ANTXR2: variants seen among roughly 807,000 people sequenced by gnomAD.
The protein encoded by ANTXR2 is ANTXR cell adhesion molecule 2.
ANTXR2 carries 44 observed loss-of-function variants against 73.7 expected under a neutral mutation model. The ratio of observed to expected loss-of-function variants is 0.60; its 90% CI spans 0.47 to 0.77. The LOEUF (loss-of-function observed/expected upper bound fraction) is 0.77, where lower values mean the gene tolerates loss of function less well. Ranked by LOEUF, ANTXR2 falls within the 30% of genes least tolerant of loss-of-function variation. The pLI is 0.00. For missense variants in ANTXR2, 604 were observed against 592.5 expected (o/e 1.02, Z -0.20); for synonymous variants, 217 against 205.9 (o/e 1.05, Z -0.46).
chr4:80,001,842 T>C (rs10026615), intron 12 of ANTXR2, among the ~76,000 whole-genome samples: 1 of 149,376 alleles, frequency 6.7e-6, no homozygotes, highest in East Asian at 2.0e-4. Flanking sequence ...TTGGTTTAAA[T>C]TCTGTTTTAT....
At position 79,901,750 on chromosome 4, in the gene ANTXR2, G is replaced by C. The variant is rs113909336; in HGVS notation, c.*5679C>G. 8 of 165,806 alleles carry C rather than the reference G, an allele frequency of 4.8e-5. No individual in the cohort carries two copies. The highest frequency in any genetic ancestry group is 7.2e-5 in the African/African-American group (3 of 41,586). 10.3% of individuals were successfully genotyped at this position (165,806 alleles called of 1,614,324 possible). A position where few individuals can be genotyped will look rare whatever the true frequency, so the allele number is the denominator to read the frequency against. On this transcript the variant is annotated 3_prime_UTR_variant, in exon 17 of 17. Coordinates refer to ENST00000403729, the MANE Select transcript of ANTXR2 (RefSeq NM_058172.6). The stretch of plus-strand genomic sequence containing the variant: ...CCTGCAACTAGATGGTCCCATCTGG[G>C]GGTGGTGGGAGACAACAACAGATCA...
At chr4:80,060,350 G>A (rs1390819102) in intron 3 of ANTXR2, among the ~76,000 whole-genome samples, 10 of 152,254 alleles carry the variant, frequency 6.6e-5, no homozygotes, top group East Asian at 3.9e-4. Flanking sequence ...ATTCTAATGC[G>A]CTGCCAGGAT....
chr4:80,065,303 C>G (rs1398216890), intron 3 of ANTXR2, among the ~76,000 whole-genome samples: 6 of 152,124 alleles, frequency 3.9e-5, no homozygotes, highest in African/African-American at 9.7e-5. Flanking sequence ...TATTTCCATA[C>G]TGAATCAACA....
At chr4:80,001,433 C>T (rs893204319) in intron 12 of ANTXR2, among the ~76,000 whole-genome samples, 26 of 151,056 alleles carry the variant, frequency 1.7e-4, no homozygotes, top group Non-Finnish European at 7.4e-5. Flanking sequence ...AAACCAAACA[C>T]CGCAAATATT....
intron 10 of ANTXR2, among the ~76,000 whole-genome samples, chr4:80,029,812 G>A (rs1732606902): frequency 6.6e-6 from 1 of 151,672 alleles, no homozygotes; most frequent in South Asian, 2.1e-4. Flanking sequence ...TGCAGGTGCA[G>A]GAGTGTGCAG....
At chr4:79,915,862 C>CTATATATATATATATATATA (rs1553925226) in intron 16 of ANTXR2, among the ~76,000 whole-genome samples, 5 of 123,858 alleles carry the variant, frequency 4.0e-5, no homozygotes, top group African/African-American at 1.5e-4. Context: ...CTCTCTCTCT[C>CTATATATATATATATATATA]TATATATATA....
At chr4:80,056,586 A>G (rs1215178064) in intron 3 of ANTXR2, among the ~76,000 whole-genome samples, 2 of 151,894 alleles carry the variant, frequency 1.3e-5, no homozygotes, top group African/African-American at 4.8e-5. Context: ...ATTCCCTTGA[A>G]CATAGTAGGT....
chr4:80,040,017 A>G (rs1181710882), intron 7 of ANTXR2, among the ~76,000 whole-genome samples: 1 of 152,092 alleles, frequency 6.6e-6, no homozygotes, highest in East Asian at 1.9e-4. Flanking sequence ...ATGCAAGAAA[A>G]TAAAACCAAA....
intron 12 of ANTXR2, among the ~76,000 whole-genome samples, chr4:79,988,417 A>G (rs1730301803): frequency 6.6e-6 from 1 of 151,760 alleles, no homozygotes; most frequent in Admixed American, 6.6e-5. Flanking sequence ...GCATTGCATA[A>G]TGATAAAAGT....
At chr4:79,957,162 C>T (rs1380323236) in intron 16 of ANTXR2, among the ~76,000 whole-genome samples, 1 of 152,068 alleles carries the variant, frequency 6.6e-6, no homozygotes, top group Non-Finnish European at 1.5e-5. Context: ...CATATTATTT[C>T]CATTCCTTTT....
chr4:79,947,339 G>A (rs565003855), intron 16 of ANTXR2, among the ~76,000 whole-genome samples: 1 of 152,168 alleles, frequency 6.6e-6, no homozygotes, highest in African/African-American at 2.4e-5. Flanking sequence ...AGTTCAGTGA[G>A]GTAAATCTGA....
At chr4:80,053,726 T>C (rs927015952) in intron 7 of ANTXR2, among the ~76,000 whole-genome samples, 3 of 151,738 alleles carry the variant, frequency 2.0e-5, no homozygotes, top group African/African-American at 7.2e-5. Flanking sequence ...AAACCCTGTT[T>C]AGGATAGCCT....
intron 11 of ANTXR2, among the ~76,000 whole-genome samples, chr4:80,010,306 G>T (rs978798240): frequency 2.6e-5 from 4 of 152,238 alleles, no homozygotes; most frequent in South Asian, 4.1e-4. Flanking sequence ...TCATAGAAAC[G>T]CATGGAAAAC....
At chr4:80,007,627 C>A (rs1308469770) in intron 12 of ANTXR2, among the ~76,000 whole-genome samples, 3 of 152,052 alleles carry the variant, frequency 2.0e-5, no homozygotes, top group African/African-American at 7.2e-5. Flanking sequence ...AACTGGAGGA[C>A]CTTTCCCAGC....
In ANTXR2 at chr4:80,010,801, AATTT is replaced by A. The variant is rs566794264; in HGVS notation, c.946-2189_946-2186del. Reference sequence around the variant, plus strand: ...ATTATGCATCTCCAGATACAAATATAATTTATTATTACAATATTATCATATCGAC... The same window carrying A: ...ATTATGCATCTCCAGATACAAATATAATTATTACAATATTATCATATCGAC... On this transcript the variant is annotated intron_variant, in intron 11 of 16. Transcript: ENST00000403729. 1.2e-3 allele frequency among the ~76,000 whole-genome samples: 179 copies of A among 152,328 alleles called. 3 individuals are homozygous for A. Among genetic ancestry groups the A allele is most frequent in the African/African-American group, 4.1e-3 (171 of 41,590 alleles).
At chr4:79,993,781 C>CACACACACAA in intron 12 of ANTXR2, among the ~76,000 whole-genome samples, 1 of 151,614 alleles carries the variant, frequency 6.6e-6, no homozygotes, top group East Asian at 1.9e-4. Context: ...CACACACACA[C>CACACACACAA]ACATGCACTT....
At chr4:79,909,168 C>G (rs1017681560) in intron 16 of ANTXR2, among the ~76,000 whole-genome samples, 10 of 152,120 alleles carry the variant, frequency 6.6e-5, no homozygotes, top group African/African-American at 2.2e-4. Flanking sequence ...GATATTATGA[C>G]AGCAAAGATA....
At chr4:79,994,015 T>C (rs1730609595) in intron 12 of ANTXR2, among the ~76,000 whole-genome samples, 1 of 151,968 alleles carries the variant, frequency 6.6e-6, no homozygotes, top group Non-Finnish European at 1.5e-5. Context: ...GCTGAGCTAT[T>C]ATAAATAAAT....
chr4:80,023,726 C>T (rs12643227), intron 10 of ANTXR2, among the ~76,000 whole-genome samples: 15,037 of 151,894 alleles, frequency 0.099, 1,876 homozygotes, highest in East Asian at 0.66. Context: ...TGGAGCACTC[C>T]GACAGGGTGG....
Sources: gnomAD v4.1 joint callset for allele counts (sites outside exome capture counted in the v4.1 genomes callset) on GRCh38, gnomAD v4.1.1 for gene constraint, MANE v1.5 for transcripts, NCBI Gene and HGNC (gene_info 2026-07-23, HGNC 2026-07-21) for gene names.